Variants in MYO5B observed in about 807,000 individuals in gnomAD.
The protein encoded by MYO5B is myosin VB.
A neutral mutation model predicts 229.3 loss-of-function variants in MYO5B; 143 were observed. The ratio of observed to expected loss-of-function variants is 0.62; its 90% CI spans 0.54 to 0.72. The LOEUF (loss-of-function observed/expected upper bound fraction) is 0.72, where lower values mean the gene tolerates loss of function less well. Ranked by LOEUF, MYO5B falls within the 30% of genes least tolerant of loss-of-function variation. MYO5B has a pLI of 0.00. For missense variants in MYO5B, 2,321 were observed against 2,331.0 expected, an observed-to-expected ratio of 1.00 and a Z score of 0.09; for synonymous variants, 918 against 885.2, an observed-to-expected ratio of 1.04 and a Z score of -0.66.
intron 8 of MYO5B, among the ~76,000 whole-genome samples, chr18:49,983,290 G>T (rs945791598): frequency 5.3e-5 from 8 of 152,150 alleles, no homozygotes; most frequent in Non-Finnish European, 1.2e-4. Context: ...TTCTGGTTCT[G>T]GTCCTCCATA....
chr18:50,147,888 G>A (rs1283655666), intron 1 of MYO5B, among the ~76,000 whole-genome samples: 5 of 152,112 alleles, frequency 3.3e-5, no homozygotes, highest in African/African-American at 1.2e-4. Flanking sequence ...ACTGTTACCA[G>A]CATTAGCGGA....
chr18:50,158,497 C>T (rs1353519275), intron 1 of MYO5B, among the ~76,000 whole-genome samples: 4 of 152,178 alleles, frequency 2.6e-5, no homozygotes, highest in Non-Finnish European at 4.4e-5. Flanking sequence ...TCTTTCCTTG[C>T]GTGGATTCCT....
At chr18:50,062,868 C>T (rs1172066794) in intron 1 of MYO5B, among the ~76,000 whole-genome samples, 1 of 152,166 alleles carries the variant, frequency 6.6e-6, no homozygotes, top group Non-Finnish European at 1.5e-5. Context: ...ATATAGGGTG[C>T]TGGTCCCCAC....
At chr18:49,990,336 G>A (rs925521604) in intron 7 of MYO5B, 103 bp downstream of exon 7, 22 of 964,620 alleles carry the variant, frequency 2.3e-5, no homozygotes, top group Middle Eastern at 2.8e-4. Context: ...AGGCAGAGCC[G>A]AGACAAGAAC....
chr18:50,039,407 C>T (rs2029935836), intron 3 of MYO5B, among the ~76,000 whole-genome samples: 1 of 152,170 alleles, frequency 6.6e-6, no homozygotes, highest in Admixed American at 6.5e-5. Flanking sequence ...TCTCGGCTCA[C>T]TGCAAGCTCC....
chr18:49,910,663 T>C (rs925346389), intron 18 of MYO5B, among the ~76,000 whole-genome samples: 2 of 152,096 alleles, frequency 1.3e-5, no homozygotes, highest in Non-Finnish European at 2.9e-5. Flanking sequence ...TTTACTATAA[T>C]ATTCTGCAGT....
intron 4 of MYO5B, among the ~76,000 whole-genome samples, chr18:50,024,950 T>C (rs1323007904): frequency 6.6e-6 from 1 of 152,176 alleles, no homozygotes; most frequent in Non-Finnish European, 1.5e-5. Context: ...TGTATAAAAT[T>C]AATCAGGGAA....
chr18:49,974,688 C>A, intron 9 of MYO5B, 73 bp from the exon 10 acceptor site: 3 of 1,551,176 alleles, frequency 1.9e-6, no homozygotes, highest in South Asian at 1.2e-5. Flanking sequence ...GTCTTCCACC[C>A]TCCTGCCCAG....
chr18:49,893,692 G>A lies in MYO5B; in HGVS notation c.3045+1249C>T, dbSNP rs574257351. Among the ~76,000 whole-genome samples, 7 of 152,306 alleles carry A rather than the reference G, an allele frequency of 4.6e-5. No individual in the cohort carries two copies. In the East Asian group the frequency reaches 1.3e-3, roughly 29 times the overall value. ...TCTCCACACCTGGATCCCACCTCTG[G>A]CCCCTGGAGATCCCTGGGGTCTGGG... On this transcript the variant is annotated intron_variant, in intron 22 of 39. Transcript: ENST00000285039.
chr18:49,928,687 A>G (rs1431196715), intron 17 of MYO5B, among the ~76,000 whole-genome samples: 1 of 152,230 alleles, frequency 6.6e-6, no homozygotes, highest in Non-Finnish European at 1.5e-5. Flanking sequence ...TGTTAATAGT[A>G]GCAGAATTTG....
intron 36 of MYO5B, among the ~76,000 whole-genome samples, chr18:49,838,527 T>C (rs1002314502): frequency 3.3e-5 from 5 of 152,224 alleles, no homozygotes; most frequent in African/African-American, 1.2e-4. Flanking sequence ...TGGGATTCAC[T>C]CATAACCTAC....
chr18:50,051,608 A>T (rs189286403), intron 2 of MYO5B, among the ~76,000 whole-genome samples: 1 of 152,230 alleles, frequency 6.6e-6, no homozygotes, highest in East Asian at 1.9e-4. Flanking sequence ...AGCCTGATCC[A>T]CTCTAAAAAC....
intron 4 of MYO5B, among the ~76,000 whole-genome samples, chr18:50,021,529 T>C (rs999296784): frequency 6.6e-6 from 1 of 151,806 alleles, no homozygotes. Context: ...AGAAAAGAGG[T>C]CTGAAAATTA....
At chr18:50,020,025 G>A (rs2026257534) in intron 4 of MYO5B, among the ~76,000 whole-genome samples, 1 of 152,104 alleles carries the variant, frequency 6.6e-6, no homozygotes, top group Admixed American at 6.5e-5. Context: ...TCACACTCCA[G>A]CTCACCAAGC....
chr18:50,000,799 C>T (rs1271546819), intron 5 of MYO5B, among the ~76,000 whole-genome samples: 1 of 152,140 alleles, frequency 6.6e-6, no homozygotes, highest in Non-Finnish European at 1.5e-5. Flanking sequence ...CTTTACCTCC[C>T]CGCTAAAAAG....
intron 10 of MYO5B, among the ~76,000 whole-genome samples, chr18:49,968,555 C>A (rs910981430): frequency 5.3e-5 from 8 of 152,194 alleles, no homozygotes; most frequent in Admixed American, 2.6e-4. Context: ...TTGTCTCCTG[C>A]TAAATCACGG....
At chr18:49,982,484 C>T (rs1360687550) in intron 8 of MYO5B, among the ~76,000 whole-genome samples, 3 of 152,188 alleles carry the variant, frequency 2.0e-5, no homozygotes, top group Non-Finnish European at 4.4e-5. Flanking sequence ...AGGATCCTCG[C>T]ACTACATTGA....
rs1381403631 is a variant in MYO5B, at chr18:50,188,796, A to ACAC, written c.27+5970_27+5971insGTG. On this transcript the variant is annotated intron_variant, in intron 1 of 39. Transcript: ENST00000285039. The stretch of plus-strand genomic sequence containing the variant: ...GTGAGACTCTGTCATAAAAAAAAAA[A>ACAC]AAAAAAAAAAAAAAAAAAAAACACA... Among the ~76,000 whole-genome samples, 681 of 125,288 alleles carry ACAC rather than the reference A, an allele frequency of 5.4e-3. 7 individuals carry two copies. The highest frequency in any genetic ancestry group is 0.021 in the African/African-American group (609 of 29,006). The allele number at this position is 125,288 out of a possible 152,430, so 82.2% of individuals were successfully genotyped here. A position where few individuals can be genotyped will look rare whatever the true frequency, so the allele number is the denominator to read the frequency against.
chr18:49,981,822 G>A (rs1454344536), intron 8 of MYO5B, among the ~76,000 whole-genome samples: 1 of 152,178 alleles, frequency 6.6e-6, no homozygotes, highest in African/African-American at 2.4e-5. Flanking sequence ...GAATTTAAGC[G>A]TCCATCTTGG....
Sources: allele counts gnomAD v4.1 joint callset (sites outside exome capture counted in the v4.1 genomes callset), GRCh38; gene constraint gnomAD v4.1.1; transcripts MANE v1.5; gene names NCBI Gene and HGNC (gene_info 2026-07-23, HGNC 2026-07-21).